Variants in SLC38A10 observed in about 807,000 individuals in gnomAD.
SLC38A10 encodes the protein Sodium-coupled neutral amino acid transporter 10.
Under a neutral mutation model 81.0 loss-of-function variants are expected in SLC38A10, and 53 were observed. The ratio of observed to expected loss-of-function variants is 0.65; its 90% CI spans 0.53 to 0.82. The LOEUF is 0.82. SLC38A10 is among the 40% of genes least tolerant of loss of function. SLC38A10 has a pLI of 0.00. For synonymous variants in SLC38A10, 665 were observed against 655.3 expected, an observed-to-expected ratio of 1.01 and a Z score of -0.23; for missense variants, 1,471 against 1,545.0, an observed-to-expected ratio of 0.95 and a Z score of 0.80.
rs1266159779 is a variant in SLC38A10, at chr17:81,280,741, G to C, written c.502-8C>G. 5 of 1,608,774 alleles carry C rather than the reference G, an allele frequency of 3.1e-6. No individual in the cohort carries two copies. Among genetic ancestry groups the C allele is most frequent in the Non-Finnish European group, 4.2e-6 (5 of 1,177,076 alleles). ...GAGAGAGGAGAGCACGATCTGCAGA[G>C]GGAGAGGGGAGAGAGCACGGGGCAG... On this transcript the variant is annotated splice_polypyrimidine_tract_variant and splice_region_variant and intron_variant, in intron 5 of 15. Coordinates refer to ENST00000374759, the MANE Select transcript of SLC38A10 (RefSeq NM_001037984.3).
chr17:81,290,333 A>G (rs1165686748), intron 1 of SLC38A10, among the ~76,000 whole-genome samples: 1 of 152,250 alleles, frequency 6.6e-6, no homozygotes, highest in Admixed American at 6.5e-5. Flanking sequence ...AGGTTTATCC[A>G]CAACCCAAAA....
intron 1 of SLC38A10, 109 bp downstream of exon 1, chr17:81,294,714 C>T (rs1446713261): frequency 9.9e-7 from 1 of 1,012,490 alleles, no homozygotes; most frequent in Non-Finnish European, 1.3e-6. Context: ...CCGCCTGCAC[C>T]CGCCCAGCGA....
In SLC38A10 at chr17:81,294,810, C is replaced by G. The variant is rs1417387427; in HGVS notation, c.99+13G>C. On this transcript the variant is annotated intron_variant, in intron 1 of 15. Transcript: ENST00000374759. ...GAGGCGAGGGCGGTGATCTCCGGGC[C>G]CACCGGACTCACCTGTTTGAAGCAG... 3 of 1,573,222 alleles carry G rather than the reference C, an allele frequency of 1.9e-6. No individual in the cohort carries two copies. In the South Asian group the frequency reaches 3.5e-5, roughly 18 times the overall value.
intron 10 of SLC38A10, among the ~76,000 whole-genome samples, chr17:81,260,649 G>A (rs1451687818): frequency 6.6e-6 from 1 of 152,250 alleles, no homozygotes; most frequent in Non-Finnish European, 1.5e-5. Flanking sequence ...ATGCGCCGCT[G>A]CCAGAGCATG....
At chr17:81,249,210 G>A (rs1243167130) in intron 14 of SLC38A10, among the ~76,000 whole-genome samples, 31 of 134,528 alleles carry the variant, frequency 2.3e-4, no homozygotes, top group Non-Finnish European at 3.4e-4. Context: ...GGGGGAGGGG[G>A]AGGAGGGAGG....
At chr17:81,294,119 C>G (rs1225126630) in intron 1 of SLC38A10, among the ~76,000 whole-genome samples, 3 of 152,320 alleles carry the variant, frequency 2.0e-5, no homozygotes, top group Admixed American at 6.5e-5. Flanking sequence ...AAACCTTCGC[C>G]TCCCAGGTTC....
chr17:81,252,827 T>G, intron 12 of SLC38A10, 144 bp from the exon 13 acceptor site: 1 of 1,339,660 alleles, frequency 7.5e-7, no homozygotes, highest in Non-Finnish European at 9.9e-7. Flanking sequence ...CCGGCCTCCC[T>G]GCTGCCTGGC....
intron 11 of SLC38A10, among the ~76,000 whole-genome samples, chr17:81,257,022 G>A (rs571360986): frequency 4.5e-4 from 68 of 152,302 alleles, no homozygotes; most frequent in African/African-American, 1.5e-3. Flanking sequence ...ACAGAGCACC[G>A]AATGGTCCGT....
At chr17:81,278,769 C>T (rs1461866151) in intron 6 of SLC38A10, among the ~76,000 whole-genome samples, 1 of 152,176 alleles carries the variant, frequency 6.6e-6, no homozygotes, top group Non-Finnish European at 1.5e-5. Context: ...CGTTGGTGCC[C>T]CATGACACGT....
intron 10 of SLC38A10, among the ~76,000 whole-genome samples, chr17:81,268,451 G>C (rs28634543): frequency 6.6e-6 from 1 of 151,280 alleles, no homozygotes; most frequent in Non-Finnish European, 1.5e-5. Context: ...TGTTGCCCAG[G>C]CTGGAGTGCA....
chr17:81,284,961 T>G, intron 2 of SLC38A10, 66 bp from the exon 3 acceptor site: 1 of 1,429,002 alleles, frequency 7.0e-7, no homozygotes, highest in Non-Finnish European at 9.4e-7. Flanking sequence ...ACAAAGGTAC[T>G]GAGCCAAGCT....
Position 81,283,514 on chromosome 17 carries a change from C to CG in SLC38A10, c.264-13dup, listed in dbSNP as rs754562811. ...TCAGCCCGATCATGCTGCACAGGGA[C>CG]GGGGGGTACGGGAAATGCCATCAGG... is the stretch of plus-strand genomic sequence containing the variant. On this transcript the variant is annotated splice_polypyrimidine_tract_variant and intron_variant, in intron 3 of 15. Coordinates refer to ENST00000374759, the MANE Select transcript of SLC38A10 (RefSeq NM_001037984.3). The surrounding 1 kb of genome is among the most constrained non-coding windows in gnomAD (Gnocchi z 4.7). 87 of 1,598,762 alleles carry CG rather than the reference C, an allele frequency of 5.4e-5. No individual in the cohort carries two copies. Among genetic ancestry groups the CG allele is most frequent in the Middle Eastern group, 1.7e-4 (1 of 6,046 alleles).
In SLC38A10 at chr17:81,277,056, T is replaced by C; in HGVS notation, c.704A>G (p.Asn235Ser). 1 of 1,613,670 alleles carries C rather than the reference T, an allele frequency of 6.2e-7. No individual in the cohort carries two copies. The highest frequency in any genetic ancestry group is 8.5e-7 in the Non-Finnish European group (1 of 1,179,758). ...CATGACGTAGAAGGTGGTGACCACA[T>C]TAAGGGAGGAAGCAAATATGGAGCT... Reference protein sequence around the residue: ...TMSSIFASSLNVVTTFYVMVG... With the variant: ...TMSSIFASSLSVVTTFYVMVG... Residue 235 changes from asparagine (N) to serine (S), a missense_variant, in exon 7 of 16, where the codon AAT becomes AGT. Asn to Ser is a conservative substitution (Grantham distance 46). Around this residue, in one of 2 missense-constraint regions of SLC38A10, gnomAD observed 720 missense variants for 827.7 expected, o/e 0.87. Coordinates refer to ENST00000374759, the MANE Select transcript of SLC38A10 (RefSeq NM_001037984.3). This position sits in a 1 kb window ranked among gnomAD's most constrained non-coding sequence, Gnocchi z 4.5.
intron 10 of SLC38A10, among the ~76,000 whole-genome samples, chr17:81,267,224 G>A (rs547188923): frequency 6.6e-6 from 1 of 152,272 alleles, no homozygotes; most frequent in South Asian, 2.1e-4. Context: ...AATCATGTCT[G>A]ACGACTAGGG....
chr17:81,277,199 T>G lies in SLC38A10; in HGVS notation c.627-66A>C. 1.4e-6 allele frequency: 2 copies of G among 1,394,478 alleles called. No individual in the cohort carries two copies. Among genetic ancestry groups the G allele is most frequent in the Non-Finnish European group, 2.0e-6 (2 of 987,874 alleles). 86.4% of individuals were successfully genotyped at this position (1,394,478 alleles called of 1,614,324 possible). On this transcript the variant is annotated intron_variant, in intron 6 of 15. Transcript: ENST00000374759. This position sits in a 1 kb window ranked among gnomAD's most constrained non-coding sequence, Gnocchi z 4.5. ...GCACGCCCTCCCCAGCGGCTCCACT[T>G]CTAGGACCTCTCTGCAGCCCAGTGA...
At position 81,272,498 on chromosome 17, in the gene SLC38A10, GC is replaced by G. The variant is rs924672547; in HGVS notation, c.1024+17del. The G allele has an allele frequency of 1.5e-5, 23 of 1,558,558 alleles. No individual in the cohort carries two copies. Among genetic ancestry groups the G allele is most frequent in the Non-Finnish European group, 1.8e-5 (21 of 1,152,836 alleles). On this transcript the variant is annotated intron_variant, in intron 9 of 15. Coordinates refer to ENST00000374759, the MANE Select transcript of SLC38A10 (RefSeq NM_001037984.3). ...CCGGGTCCCACTCCCCGGCAACAGG[GC>G]AGCCCTCCCGCCTTACCGTTGGGGA...
intron 8 of SLC38A10, among the ~76,000 whole-genome samples, chr17:81,275,311 C>T (rs781694281): frequency 3.3e-5 from 5 of 152,078 alleles, no homozygotes; most frequent in Non-Finnish European, 4.4e-5. Flanking sequence ...CACACAACCT[C>T]GCCTCAGCCT....
chr17:81,271,158 G>C (rs2063112461), intron 9 of SLC38A10, 134 bp from the exon 10 acceptor site: 1 of 710,740 alleles, frequency 1.4e-6, no homozygotes, highest in Non-Finnish European at 2.3e-6. Flanking sequence ...GCCGGGAGCA[G>C]AGACGCCCTC....
chr17:81,257,386 G>A (rs933068779), intron 11 of SLC38A10, among the ~76,000 whole-genome samples: 3 of 152,178 alleles, frequency 2.0e-5, no homozygotes, highest in Non-Finnish European at 4.4e-5. Context: ...GTGAGCTGCT[G>A]TACCGGCCCG....
Sources: allele counts gnomAD v4.1 joint callset (sites outside exome capture counted in the v4.1 genomes callset), GRCh38; gene constraint gnomAD v4.1.1; regional missense constraint gnomAD v4.1.1; non-coding constraint Gnocchi (gnomAD v3.1); transcripts MANE v1.5; gene names NCBI Gene and HGNC (gene_info 2026-07-23, HGNC 2026-07-21).